Variants in ALPK1 observed in about 807,000 individuals in gnomAD.
ALPK1 encodes the protein alpha-protein kinase 1.
Under a neutral mutation model 120.6 loss-of-function variants are expected in ALPK1, and 110 were observed. The ratio of observed to expected loss-of-function variants is 0.91; its 90% CI spans 0.78 to 1.07. ALPK1 has a LOEUF of 1.07. Ranked by LOEUF, ALPK1 falls within the 50% of genes least tolerant of loss-of-function variation. The pLI, the probability that ALPK1 is intolerant of heterozygous loss-of-function variation, is 0.00. For synonymous variants in ALPK1, 582 were observed against 560.3 expected, an observed-to-expected ratio of 1.04 and a Z score of -0.55; for missense variants, 1,498 against 1,483.9, an observed-to-expected ratio of 1.01 and a Z score of -0.16.
In ALPK1 at chr4:112,431,584, C is replaced by A; in HGVS notation, c.2037C>A (p.Thr679=). Reference sequence around the variant, plus strand: ...TGACACCCTTCTCGCCTCATAATACCCCAGGCATTTTCTTGGCCCCTGGTG... The same window carrying A: ...TGACACCCTTCTCGCCTCATAATACACCAGGCATTTTCTTGGCCCCTGGTG... ...MPLTPFSPHN[T]PGIFLAPGAG... is the part of the protein sequence containing the mutation. Residue 679 remains threonine (T), a synonymous_variant, in exon 11 of 16, where the codon ACC becomes ACA. Coordinates refer to ENST00000650871, the MANE Select transcript of ALPK1 (RefSeq NM_025144.4). The A allele has an allele frequency of 1.9e-6, 3 of 1,614,156 alleles. No homozygotes were observed. The highest frequency in any genetic ancestry group is 4.5e-5 in the East Asian group (2 of 44,882).
intron 5 of ALPK1, among the ~76,000 whole-genome samples, chr4:112,423,529 C>T (rs1989924): frequency 0.47 from 71,934 of 151,936 alleles, 17,310 homozygotes; most frequent in East Asian, 0.71. Flanking sequence ...GAAAGAATCT[C>T]CTCACTCCCC....
chr4:112,405,948 A>G (rs1733154120), intron 4 of ALPK1, among the ~76,000 whole-genome samples: 3 of 152,166 alleles, frequency 2.0e-5, no homozygotes, highest in Admixed American at 6.5e-5. Context: ...GAAAAGCAGA[A>G]GATGAACTGA....
chr4:112,405,579 G>T (rs1477315082), intron 4 of ALPK1, among the ~76,000 whole-genome samples: 1 of 151,546 alleles, frequency 6.6e-6, no homozygotes, highest in African/African-American at 2.4e-5. Context: ...CAACTTTTTT[G>T]TTTGTTTGTT....
intron 5 of ALPK1, among the ~76,000 whole-genome samples, chr4:112,422,701 A>T (rs941493970): frequency 6.6e-6 from 1 of 152,258 alleles, no homozygotes; most frequent in Admixed American, 6.5e-5. Flanking sequence ...GGTGATTATT[A>T]TAAGTACTGT....
At chr4:112,427,517 C>A (rs1177611290) in intron 8 of ALPK1, 53 bp from the exon 9 acceptor site, 16 of 1,247,732 alleles carry the variant, frequency 1.3e-5, no homozygotes, top group Non-Finnish European at 1.8e-5. Context: ...TGGATGAGAG[C>A]AGTAATCCAC....
chr4:112,361,997 T>A (rs751721538), intron 2 of ALPK1, among the ~76,000 whole-genome samples: 9 of 152,150 alleles, frequency 5.9e-5, no homozygotes, highest in South Asian at 2.1e-4. Context: ...TAACAATCAC[T>A]GCAGTCTGGC....
rs377455823 is a variant in ALPK1, at chr4:112,382,567, A to G, written c.276+15A>G. On this transcript the variant is annotated intron_variant, in intron 4 of 15. Transcript: ENST00000650871. The stretch of plus-strand genomic sequence containing the variant: ...AGCAGTTACTGGTAGGAAGAGCCAC[A>G]CCACCTGTTCCTCTGATATCCCCAA... 253 of 1,614,006 alleles carry G rather than the reference A, an allele frequency of 1.6e-4. No homozygotes were observed. The highest frequency in any genetic ancestry group is 2.1e-4 in the Non-Finnish European group (247 of 1,179,992).
chr4:112,310,173 A>G (rs948728156), intron 1 of ALPK1, among the ~76,000 whole-genome samples: 2 of 152,104 alleles, frequency 1.3e-5, no homozygotes, highest in African/African-American at 4.8e-5. Flanking sequence ...TACCACTGTT[A>G]AAACTCTCTA....
chr4:112,387,192 G>T (rs1280467513), intron 4 of ALPK1, among the ~76,000 whole-genome samples: 1 of 152,136 alleles, frequency 6.6e-6, no homozygotes, highest in East Asian at 1.9e-4. Flanking sequence ...ATGCCACCTT[G>T]GGAATTTTTC....
At chr4:112,377,998 CTTGGCA>C in intron 3 of ALPK1, 100 bp downstream of exon 3, 1 of 1,236,468 alleles carries the variant, frequency 8.1e-7, no homozygotes, top group Admixed American at 3.2e-5. Flanking sequence ...TTTTTCTTCT[CTTGGCA>C]GATGACCACC....
chr4:112,355,988 A>G, intron 2 of ALPK1: 2 of 622,454 alleles, frequency 3.2e-6, no homozygotes. Context: ...GGATTCTAGA[A>G]GAGAACAGCG....
intron 11 of ALPK1, 108 bp from the exon 12 acceptor site, chr4:112,435,040 G>A (rs1385808488): frequency 3.7e-6 from 4 of 1,079,734 alleles, no homozygotes; most frequent in Admixed American, 2.4e-5. Context: ...GTATAAAAAA[G>A]TGAAGATTTC....
At chr4:112,426,616 T>C (rs889000362) in intron 8 of ALPK1, 73 bp downstream of exon 8, 15 of 1,242,534 alleles carry the variant, frequency 1.2e-5, no homozygotes, top group Non-Finnish European at 1.6e-5. Context: ...ATGACAGAAG[T>C]CCATTTCTCA....
At chr4:112,299,426 C>T (rs1224012368) in intron 1 of ALPK1, among the ~76,000 whole-genome samples, 1 of 151,942 alleles carries the variant, frequency 6.6e-6, no homozygotes, top group African/African-American at 2.4e-5. Context: ...CTTATAAAAC[C>T]TAGAATTTCA....
intron 2 of ALPK1, chr4:112,356,406 G>A: frequency 1.2e-6 from 1 of 852,306 alleles, no homozygotes; most frequent in Non-Finnish European, 2.0e-6. Context: ...GGGCAATGCT[G>A]CTGCTGATAA....
rs370378672 is a variant in ALPK1 at position 112,438,127 on chromosome 4, A to G, written c.3189-357A>G. On this transcript the variant is annotated intron_variant, in intron 12 of 15. Transcript: ENST00000650871. ...GGCTTCAGATTGATGAACTGACTAT[A>G]TAAGGCCACACTGCAGGGAGTGGAA... is the stretch of plus-strand genomic sequence containing the variant. Among the ~76,000 whole-genome samples, 6 of 152,344 alleles carry G rather than the reference A, an allele frequency of 3.9e-5. No individual in the cohort carries two copies. In the South Asian group the frequency reaches 1.0e-3, roughly 26 times the overall value.
intron 4 of ALPK1, among the ~76,000 whole-genome samples, chr4:112,407,156 G>A (rs746689268): frequency 2.6e-5 from 4 of 152,070 alleles, no homozygotes; most frequent in Non-Finnish European, 5.9e-5. Flanking sequence ...TGGGGAGAGT[G>A]GAAAAAGGGG....
chr4:112,307,692 T>C (rs1261457175), intron 1 of ALPK1, among the ~76,000 whole-genome samples: 1 of 152,154 alleles, frequency 6.6e-6, no homozygotes, highest in Non-Finnish European at 1.5e-5. Flanking sequence ...GGGTCTTGAC[T>C]CCTTATCCAA....
At chr4:112,308,868 T>C (rs1728254744) in intron 1 of ALPK1, among the ~76,000 whole-genome samples, 1 of 152,076 alleles carries the variant, frequency 6.6e-6, no homozygotes, top group South Asian at 2.1e-4. Context: ...TTTTTCCCCA[T>C]CTTTGTGGTT....
Sources: gnomAD v4.1 joint callset for allele counts (sites outside exome capture counted in the v4.1 genomes callset) on GRCh38, gnomAD v4.1.1 for gene constraint, MANE v1.5 for transcripts, NCBI Gene and HGNC (gene_info 2026-07-23, HGNC 2026-07-21) for gene names.